Variants in ZNF462 observed in about 807,000 individuals in gnomAD.
ZNF462 encodes the protein zinc finger protein 462, also known as zinc finger PBX1-interacting protein.
A neutral mutation model predicts 201.9 loss-of-function variants in ZNF462; 10 were observed. The ratio of observed to expected loss-of-function variants is 0.05; its 90% confidence interval spans 0.03 to 0.08. The LOEUF (loss-of-function observed/expected upper bound fraction) is 0.08. ZNF462 is among the 10% of genes least tolerant of loss of function. The pLI, the probability that ZNF462 is intolerant of heterozygous loss-of-function variation, is 1.00. For synonymous variants in ZNF462, 1,227 were observed against 1,193.3 expected (o/e 1.03, Z -0.58); for missense variants, 2,523 against 3,168.3 (o/e 0.80, Z 4.89).
upstream of ZNF462, among the ~76,000 whole-genome samples, chr9:106,860,390 C>T (rs61996260): frequency 5.9e-5 from 9 of 152,174 alleles, no homozygotes; most frequent in African/African-American, 1.9e-4. The surrounding 1 kb of genome is among the most constrained non-coding windows in gnomAD (Gnocchi z 7.1). Context: ...CTCAATTCCC[C>T]GACTGCGGGA....
intron 9 of ZNF462, among the ~76,000 whole-genome samples, chr9:106,982,883 AGAGTGAGTCGCATCGGTGTACAACG>A (rs1290082175): frequency 2.6e-5 from 4 of 152,226 alleles, no homozygotes; most frequent in African/African-American, 9.6e-5. Flanking sequence ...AGGACTCTAA[AGAGTGAGTCGCATCGGTGTACAACG>A]TACCGATGCC....
chr9:107,005,747 A>T lies in ZNF462; in HGVS notation c.7189+2321A>T, dbSNP rs1304315118. On this transcript the variant is annotated intron_variant, in intron 11 of 12. Transcript: ENST00000277225. This position sits in a 1 kb window ranked among gnomAD's most constrained non-coding sequence, Gnocchi z 4.4. ...CATGCTTTTGAGGTCATATCCAAAAAATCATTGCCCAGACCAATGTCATGG... is the reference window on the plus strand; with the variant it reads ...CATGCTTTTGAGGTCATATCCAAAATATCATTGCCCAGACCAATGTCATGG... Among the ~76,000 whole-genome samples the T allele has an allele frequency of 1.3e-5, 2 of 152,234 alleles. No individual in the cohort carries two copies. The highest frequency in any genetic ancestry group is 1.9e-4 in the East Asian group (1 of 5,198).
intron 1 of ZNF462, among the ~76,000 whole-genome samples, chr9:106,915,979 G>C (rs1026960248): frequency 3.3e-5 from 5 of 152,170 alleles, no homozygotes; most frequent in South Asian, 2.1e-4. Flanking sequence ...CTCGTCTAAA[G>C]CAAGTGAATT....
At chr9:106,867,715 T>C (rs372927753) in intron 1 of ZNF462, among the ~76,000 whole-genome samples, 31 of 152,318 alleles carry the variant, frequency 2.0e-4, no homozygotes, top group African/African-American at 7.0e-4. Context: ...AAAGTTGCAA[T>C]GGGAAAGAGT....
chr9:106,873,146 G>C (rs1310527234), intron 1 of ZNF462, among the ~76,000 whole-genome samples: 1 of 152,164 alleles, frequency 6.6e-6, no homozygotes, highest in Non-Finnish European at 1.5e-5. Context: ...TATGCCAGGA[G>C]TATATCCTTG....
At chr9:106,896,865 T>C (rs1828834714) in intron 1 of ZNF462, among the ~76,000 whole-genome samples, 2 of 152,370 alleles carry the variant, frequency 1.3e-5, no homozygotes, top group South Asian at 4.1e-4. Flanking sequence ...TGGCTGTGCC[T>C]CTTTTCTTCA....
intron 10 of ZNF462, among the ~76,000 whole-genome samples, chr9:106,999,385 GC>G (rs1160528277): frequency 6.6e-6 from 1 of 152,058 alleles, no homozygotes; most frequent in East Asian, 1.9e-4. Context: ...TGGAAATTTA[GC>G]CTATAAAATT....
Position 106,966,493 on chromosome 9 carries a change from CCT to C in ZNF462, c.6428-5508_6428-5507del, listed in dbSNP as rs1262583488. Among the ~76,000 whole-genome samples the C allele has an allele frequency of 1.3e-5, 2 of 152,014 alleles. No homozygotes were observed. The highest frequency in any genetic ancestry group is 4.8e-5 in the African/African-American group (2 of 41,398). ...GACACTCATAGTTCTCTTGACATCC[CCT>C]CTCCATCTCTCTCACTCCCACATTC... On this transcript the variant is annotated intron_variant, in intron 7 of 12. Coordinates refer to ENST00000277225, the MANE Select transcript of ZNF462 (RefSeq NM_021224.6). This position sits in a 1 kb window ranked among gnomAD's most constrained non-coding sequence, Gnocchi z 4.4.
chr9:106,952,256 A>G (rs746855038), intron 7 of ZNF462, among the ~76,000 whole-genome samples: 4 of 152,208 alleles, frequency 2.6e-5, no homozygotes, highest in Non-Finnish European at 5.9e-5. Flanking sequence ...AGTTTCTAAT[A>G]TGCAAAATAA....
At chr9:106,988,138 A>G (rs1827993495) in intron 10 of ZNF462, among the ~76,000 whole-genome samples, 1 of 152,098 alleles carries the variant, frequency 6.6e-6, no homozygotes, top group South Asian at 2.1e-4. Flanking sequence ...GACGTACCTG[A>G]GACTGGGCAA....
At chr9:106,889,011 A>T (rs139927108) in intron 1 of ZNF462, among the ~76,000 whole-genome samples, 1 of 152,218 alleles carries the variant, frequency 6.6e-6, no homozygotes, top group Non-Finnish European at 1.5e-5. Context: ...CTTTCACTTT[A>T]ACAGAAAGAT....
intron 6 of ZNF462, among the ~76,000 whole-genome samples, chr9:106,936,439 CTG>C (rs1247036477): frequency 6.6e-6 from 1 of 152,192 alleles, no homozygotes; most frequent in Non-Finnish European, 1.5e-5. Flanking sequence ...TCCTCATGCT[CTG>C]TGTAAACAGG....
chr9:106,910,539 T>C (rs939822736), intron 1 of ZNF462, among the ~76,000 whole-genome samples: 4 of 152,116 alleles, frequency 2.6e-5, no homozygotes, highest in African/African-American at 4.8e-5. Flanking sequence ...CTTGCTTCAG[T>C]AGTCCTTCAG....
chr9:106,879,685 G>C (rs1828006443), intron 1 of ZNF462, among the ~76,000 whole-genome samples: 1 of 152,130 alleles, frequency 6.6e-6, no homozygotes, highest in South Asian at 2.1e-4. Flanking sequence ...GTAGTTGGTA[G>C]AAGCCTGCAG....
chr9:106,962,788 C>T lies in ZNF462; in HGVS notation c.6428-9217C>T, dbSNP rs965745909. ...TAGGCGTTTGTTTTTCCGTTTGCCT[C>T]CATGACAACGGAGTCCAGAATTCCT... On this transcript the variant is annotated intron_variant, in intron 7 of 12. Transcript: ENST00000277225. This position sits in a 1 kb window ranked among gnomAD's most constrained non-coding sequence, Gnocchi z 4.6. Among the ~76,000 whole-genome samples the T allele has an allele frequency of 2.6e-5, 4 of 152,000 alleles. No homozygotes were observed. The highest frequency in any genetic ancestry group is 4.1e-4 in the South Asian group (2 of 4,832).
At position 106,981,206 on chromosome 9, in the gene ZNF462, G is replaced by A. The variant is rs1827405352; in HGVS notation, c.6833-2980G>A. Reference sequence around the variant, plus strand: ...GGGAAGTTCTAGATTTCAGATTTAAGTTCAGCAGGGATTTGACCCTTTCCT... The same window carrying A: ...GGGAAGTTCTAGATTTCAGATTTAAATTCAGCAGGGATTTGACCCTTTCCT... On this transcript the variant is annotated intron_variant, in intron 9 of 12. Transcript: ENST00000277225. The surrounding 1 kb of genome is among the most constrained non-coding windows in gnomAD (Gnocchi z 4.0). Among the ~76,000 whole-genome samples, 1 of 152,218 alleles carries A rather than the reference G, an allele frequency of 6.6e-6. No homozygotes were observed. The highest frequency in any genetic ancestry group is 2.4e-5 in the African/African-American group (1 of 41,466).
chr9:106,982,056 G>T (rs1474730631), intron 9 of ZNF462, among the ~76,000 whole-genome samples: 1 of 152,216 alleles, frequency 6.6e-6, no homozygotes, highest in African/African-American at 2.4e-5. Context: ...AACTCCTAAG[G>T]TCTAAAGGCA....
At chr9:106,889,630 TTTCATTCATTTG>T (rs1391337551) in intron 1 of ZNF462, among the ~76,000 whole-genome samples, 1 of 152,240 alleles carries the variant, frequency 6.6e-6, no homozygotes, top group Non-Finnish European at 1.5e-5. Context: ...TTTTACTCTT[TTTCATTCATTTG>T]TTCATTCATT....
At position 106,902,848 on chromosome 9, in the gene ZNF462, A is replaced by T. The variant is rs1829119456; in HGVS notation, c.-30-20506A>T. 6.6e-6 allele frequency among the ~76,000 whole-genome samples: 1 copy of T among 151,594 alleles called. No individual in the cohort carries two copies. Among genetic ancestry groups the T allele is most frequent in the Middle Eastern group, 3.4e-3 (1 of 292 alleles). ...GGTTAATTTTGCTAATGGTCTATCAATTTTATTTATCTTCTCAAAGAACCA... is the reference window on the plus strand; with the variant it reads ...GGTTAATTTTGCTAATGGTCTATCATTTTTATTTATCTTCTCAAAGAACCA... On this transcript the variant is annotated intron_variant, in intron 1 of 12. Transcript: ENST00000277225. This position sits in a 1 kb window ranked among gnomAD's most constrained non-coding sequence, Gnocchi z 4.2.
Sources: gnomAD v4.1 joint callset for allele counts (sites outside exome capture counted in the v4.1 genomes callset) on GRCh38, gnomAD v4.1.1 for gene constraint, Gnocchi (gnomAD v3.1) non-coding constraint, MANE v1.5 for transcripts, NCBI Gene and HGNC (gene_info 2026-07-23, HGNC 2026-07-21) for gene names.